CACTIN: variants seen among roughly 807,000 people sequenced by gnomAD.
CACTIN encodes the protein splicing factor Cactin.
A neutral mutation model predicts 84.9 loss-of-function variants in CACTIN; 20 were observed. The ratio of observed to expected loss-of-function variants is 0.24; its 90% CI spans 0.17 to 0.34. The LOEUF is 0.34. Among genes scored for constraint, CACTIN ranks in the 10% least tolerant of loss-of-function variants. CACTIN has a pLI of 1.00. For synonymous variants in CACTIN, 549 were observed against 467.9 expected, an observed-to-expected ratio of 1.17 and a Z score of -2.24; for missense variants, 897 against 1,117.2, an observed-to-expected ratio of 0.80 and a Z score of 2.81.
At position 3,611,873 on chromosome 19, in the gene CACTIN, G is replaced by A; in HGVS notation, c.*50C>T. The A allele has an allele frequency of 6.3e-7, 1 of 1,596,644 alleles. No individual in the cohort carries two copies. The highest frequency in any genetic ancestry group is 8.5e-7 in the Non-Finnish European group (1 of 1,174,754). On this transcript the variant is annotated 3_prime_UTR_variant, in exon 10 of 10. Transcript: ENST00000429344. Reference sequence around the variant, plus strand: ...CGGAGTGACCACCAGCTTCACCGAAGCCCCTTTACTGTGCCCCCGAGGACA... The same window carrying A: ...CGGAGTGACCACCAGCTTCACCGAAACCCCTTTACTGTGCCCCCGAGGACA...
At chr19:3,626,446 A>T in intron 1 of CACTIN, 150 bp downstream of exon 1, 1 of 944,424 alleles carries the variant, frequency 1.1e-6, no homozygotes, top group Non-Finnish European at 1.4e-6. Flanking sequence ...CTGCCAGGTT[A>T]ATTCCAACCG....
Position 3,622,363 on chromosome 19 carries a change from C to CAAAAAAA in CACTIN, c.642+1318_642+1324dup, listed in dbSNP as rs34766613. Among the ~76,000 whole-genome samples, 12 of 88,126 alleles carry CAAAAAAA rather than the reference C, an allele frequency of 1.4e-4. 1 individual carries two copies. The highest frequency in any genetic ancestry group is 3.9e-4 in the African/African-American group (8 of 20,586). The allele number at this position is 88,126 out of a possible 152,430, so 57.8% of individuals were successfully genotyped here. A position where few individuals can be genotyped will look rare whatever the true frequency, so the allele number is the denominator to read the frequency against. ...TGGGCAACAGAGTGAGACTCCATCT[C>CAAAAAAA]AAAAAAAAAAAAAAAAAAAAAGTGA... On this transcript the variant is annotated intron_variant, in intron 2 of 9. Coordinates refer to ENST00000429344, the MANE Select transcript of CACTIN (RefSeq NM_001080543.2).
Position 3,618,900 on chromosome 19 carries a change from CT to C in CACTIN, c.1136del (p.Lys379SerfsTer90). The C allele has an allele frequency of 6.4e-7, 1 of 1,554,870 alleles. No individual in the cohort carries two copies. The highest frequency in any genetic ancestry group is 1.9e-5 in the Admixed American group (1 of 51,530). On this transcript the variant is annotated frameshift_variant, in exon 6 of 10. Coordinates refer to ENST00000429344, the MANE Select transcript of CACTIN (RefSeq NM_001080543.2). LOFTEE classifies it high-confidence loss of function. ...ITEDEISKLR[K>X]LEASGKGPGE... The stretch of plus-strand genomic sequence containing the variant: ...CTGGCCCCTTGCCCGAGGCCTCCAG[CT>C]TGCGGAGCTTGGAGATCTCGTCCTC...
chr19:3,624,808 A>G (rs16991974), intron 1 of CACTIN, among the ~76,000 whole-genome samples: 5,445 of 152,180 alleles, frequency 0.036, 243 homozygotes, highest in African/African-American at 0.1. Context: ...GGAATGGAAG[A>G]TGCACAACCT....
rs758017 is a variant in CACTIN, at chr19:3,611,192, C to A, written c.*731G>T. 212,923 of 413,762 alleles carry A rather than the reference C, an allele frequency of 0.51. 56,612 individuals are homozygous for A. The highest frequency in any genetic ancestry group is 0.61 in the Admixed American group (21,488 of 35,088). The allele number at this position is 413,762 out of a possible 1,614,324, so 25.6% of individuals were successfully genotyped here. A position where few individuals can be genotyped will look rare whatever the true frequency, so the allele number is the denominator to read the frequency against. On this transcript the variant is annotated 3_prime_UTR_variant, in exon 10 of 10. Transcript: ENST00000429344. ...CTCAGTGACTTTTGGTTCCCACGAC[C>A]TTGACAGAGACAGGGACCTCGACGC... is the stretch of plus-strand genomic sequence containing the variant.
chr19:3,618,483 G>A (rs909385114), intron 6 of CACTIN, among the ~76,000 whole-genome samples: 6 of 152,248 alleles, frequency 3.9e-5, no homozygotes, highest in Non-Finnish European at 7.3e-5. Context: ...ACTGACGCAC[G>A]GGACAGGTAG....
At chr19:3,618,184 G>C (rs929861126) in intron 6 of CACTIN, among the ~76,000 whole-genome samples, 24 of 147,160 alleles carry the variant, frequency 1.6e-4, no homozygotes, top group Non-Finnish European at 1.6e-4. Context: ...GACCGGGGGG[G>C]GGGGGGGTCT....
At position 3,626,789 on chromosome 19, in the gene CACTIN, A is replaced by G; in HGVS notation, c.-27T>C. ...GGCTGGGCCAGTGGCCGCGGCACCA[A>G]CACCAATAGCCGAAGCCTGCGCTGG... On this transcript the variant is annotated 5_prime_UTR_variant, in exon 1 of 10. Coordinates refer to ENST00000429344, the MANE Select transcript of CACTIN (RefSeq NM_001080543.2). 1 of 1,351,592 alleles carries G rather than the reference A, an allele frequency of 7.4e-7. No individual in the cohort carries two copies. The highest frequency in any genetic ancestry group is 9.5e-7 in the Non-Finnish European group (1 of 1,049,564). The allele number at this position is 1,351,592 out of a possible 1,614,324, so 83.7% of individuals were successfully genotyped here. A position where few individuals can be genotyped will look rare whatever the true frequency, so the allele number is the denominator to read the frequency against.
At chr19:3,621,297 C>T (rs2033219647) in intron 2 of CACTIN, among the ~76,000 whole-genome samples, 2 of 152,218 alleles carry the variant, frequency 1.3e-5, no homozygotes, top group Non-Finnish European at 2.9e-5. Context: ...CATGGGGCCC[C>T]GCCCACACAG....
At chr19:3,619,851 G>GT (rs1210562248) in intron 4 of CACTIN, among the ~76,000 whole-genome samples, 6 of 152,128 alleles carry the variant, frequency 3.9e-5, no homozygotes, top group Non-Finnish European at 8.8e-5. Flanking sequence ...CACCCTCCTG[G>GT]GTGGAGTGTG....
Position 3,614,608 on chromosome 19 carries a change from A to T in CACTIN, c.1163-19T>A. 6.3e-7 allele frequency: 1 copy of T among 1,579,304 alleles called. No homozygotes were observed. The highest frequency in any genetic ancestry group is 8.6e-7 in the Non-Finnish European group (1 of 1,162,920). On this transcript the variant is annotated intron_variant, in intron 6 of 9. Coordinates refer to ENST00000429344, the MANE Select transcript of CACTIN (RefSeq NM_001080543.2). The stretch of plus-strand genomic sequence containing the variant: ...CGCTCACCTGCAGCGGGGTGGGGGC[A>T]TGGGGGGGCGGTTCCACATTTCCTA...
In CACTIN at chr19:3,623,841, G is replaced by A. The variant is rs758444035; in HGVS notation, c.489C>T (p.Pro163=). 11 of 1,611,984 alleles carry A rather than the reference G, an allele frequency of 6.8e-6. No individual in the cohort carries two copies. The highest frequency in any genetic ancestry group is 1.6e-4 in the Middle Eastern group (1 of 6,082). ...QEELMKAFET[P]EEKRARRLAK... ...CCAGCCGCCGTGCGCGCTTCTCCTCGGGCGTCTCGAAGGCCTTCATCAGCT... is the reference window on the plus strand; with the variant it reads ...CCAGCCGCCGTGCGCGCTTCTCCTCAGGCGTCTCGAAGGCCTTCATCAGCT... The change falls in exon 2 of 10, where the codon CCC becomes CCT. Residue 163 remains proline (P), a synonymous_variant. Transcript: ENST00000429344.
rs1481893313 is a variant in CACTIN, at chr19:3,623,816, C to T, written c.514G>A (p.Ala172Thr). 1 of 1,613,510 alleles carries T rather than the reference C, an allele frequency of 6.2e-7. No individual in the cohort carries two copies. Among genetic ancestry groups the T allele is most frequent in the East Asian group, 2.2e-5 (1 of 44,888 alleles). ...TTGCGCTCCTTGGCCTCCTTCTTGG[C>T]CAGCCGCCGTGCGCGCTTCTCCTCG... is the stretch of plus-strand genomic sequence containing the variant. The part of the protein sequence containing the change: ...TPEEKRARRL[A>T]KKEAKERKKR... Residue 172 changes from alanine to threonine, a missense_variant, in exon 2 of 10, where the codon GCC becomes ACC. Around this residue, in one of 8 missense-constraint regions of CACTIN, gnomAD observed 304 missense variants for 444.3 expected, o/e 0.68. Coordinates refer to ENST00000429344, the MANE Select transcript of CACTIN (RefSeq NM_001080543.2).
At chr19:3,622,567 G>A (rs891708232) in intron 2 of CACTIN, among the ~76,000 whole-genome samples, 5 of 152,196 alleles carry the variant, frequency 3.3e-5, no homozygotes, top group African/African-American at 1.2e-4. Flanking sequence ...GCCGGGTTCT[G>A]CGGCTGCAAG....
chr19:3,612,935 G>C (rs1274598566), intron 9 of CACTIN, 123 bp downstream of exon 9: 2 of 1,191,328 alleles, frequency 1.7e-6, no homozygotes, highest in Admixed American at 4.0e-5. Context: ...AGAGACCCGG[G>C]GGAGAAGCAG....
chr19:3,614,251 G>T, intron 7 of CACTIN, 146 bp downstream of exon 7: 1 of 849,566 alleles, frequency 1.2e-6, no homozygotes, highest in Non-Finnish European at 1.9e-6. Flanking sequence ...TCACAGGCTG[G>T]CCCCGGCCAG....
intron 7 of CACTIN, 147 bp from the exon 8 acceptor site, chr19:3,613,733 T>C: frequency 8.2e-7 from 1 of 1,220,988 alleles, no homozygotes; most frequent in South Asian, 1.5e-5. Flanking sequence ...TGCCCAGGCT[T>C]GGTCAGTTCA....
intron 2 of CACTIN, among the ~76,000 whole-genome samples, chr19:3,621,239 G>C (rs989631588): frequency 6.6e-6 from 1 of 152,244 alleles, no homozygotes; most frequent in Non-Finnish European, 1.5e-5. Context: ...GACAGGGCAG[G>C]AACAGTGAGT....
chr19:3,617,084 G>A (rs2033120045), intron 6 of CACTIN, among the ~76,000 whole-genome samples: 1 of 151,618 alleles, frequency 6.6e-6, no homozygotes, highest in African/African-American at 2.4e-5. Context: ...TCGCACCACT[G>A]CACTCCAGCC....
Sources: gnomAD v4.1 joint callset for allele counts (sites outside exome capture counted in the v4.1 genomes callset) on GRCh38, gnomAD v4.1.1 for gene constraint, gnomAD v4.1.1 regional missense constraint, MANE v1.5 for transcripts, NCBI Gene and HGNC (gene_info 2026-07-23, HGNC 2026-07-21) for gene names.